The following VPS33A variants were observed in gnomAD, a reference collection of about 807,000 sequenced individuals.
The protein encoded by VPS33A is vacuolar protein sorting-associated protein 33A.
A neutral mutation model predicts 71.8 loss-of-function variants in VPS33A; 32 were observed. The ratio of observed to expected loss-of-function variants is 0.45; its 90% CI spans 0.34 to 0.60. The LOEUF is 0.60. Ranked by LOEUF, VPS33A falls within the 20% of genes least tolerant of loss-of-function variation. The pLI, the probability that VPS33A is intolerant of heterozygous loss-of-function variation, is 0.02. For synonymous variants in VPS33A, 311 were observed against 292.7 expected (o/e 1.06, Z -0.64); for missense variants, 625 against 748.5 (o/e 0.84, Z 1.92).
At chr12:122,246,500 T>C (rs1198628516) in intron 6 of VPS33A, among the ~76,000 whole-genome samples, 1 of 151,732 alleles carries the variant, frequency 6.6e-6, no homozygotes, top group Non-Finnish European at 1.5e-5. Flanking sequence ...GGTTTCACCA[T>C]GTTGGCCAGG....
rs891157716 is a variant in VPS33A, at chr12:122,231,401, G to T, written c.*845C>A. The stretch of plus-strand genomic sequence containing the variant: ...AGCAAACTTGCCTTAGTGATCAGTT[G>T]CGACAGTGACTGATGACCCTAAATA... On this transcript the variant is annotated 3_prime_UTR_variant, in exon 13 of 13. Coordinates refer to ENST00000267199, the MANE Select transcript of VPS33A (RefSeq NM_022916.6). The T allele has an allele frequency of 6.6e-6, 1 of 152,188 alleles. No individual in the cohort carries two copies. Among genetic ancestry groups the T allele is most frequent in the African/African-American group, 2.4e-5 (1 of 41,436 alleles). 9.4% of individuals were successfully genotyped at this position (152,188 alleles called of 1,614,324 possible). A position where few individuals can be genotyped will look rare whatever the true frequency, so the allele number is the denominator to read the frequency against.
In VPS33A at chr12:122,235,814, C is replaced by CT. The variant is rs1417701529; in HGVS notation, c.1411_1412insA (p.Arg471GlnfsTer6). On this transcript the variant is annotated frameshift_variant, in exon 11 of 13. Coordinates refer to ENST00000267199, the MANE Select transcript of VPS33A (RefSeq NM_022916.6). LOFTEE classifies it high-confidence loss of function. The stretch of plus-strand genomic sequence containing the variant: ...CTCATTAACATCATCCATCCAGAGG[C>CT]GTAATGTTTTCCGTATAGTTGGGTA... 1 of 1,613,224 alleles carries CT rather than the reference C, an allele frequency of 6.2e-7. No homozygotes were observed. Among genetic ancestry groups the CT allele is most frequent in the East Asian group, 2.2e-5 (1 of 44,826 alleles).
intron 4 of VPS33A, among the ~76,000 whole-genome samples, chr12:122,259,179 A>ATGTG (rs1435838868): frequency 1.2e-4 from 15 of 126,618 alleles, no homozygotes; most frequent in African/African-American, 4.6e-4. Context: ...GTGTGTGTGT[A>ATGTG]TGTATGTGTG....
At chr12:122,263,760 A>T (rs1955030861) in intron 2 of VPS33A, 61 bp from the exon 3 acceptor site, 1 of 1,495,752 alleles carries the variant, frequency 6.7e-7, no homozygotes, top group African/African-American at 1.4e-5. Context: ...TAATTTTCAG[A>T]CTCAGAAATC....
chr12:122,255,005 G>A (rs1334227354), intron 4 of VPS33A, among the ~76,000 whole-genome samples: 2 of 150,892 alleles, frequency 1.3e-5, no homozygotes, highest in African/African-American at 4.9e-5. Context: ...GAGACGAGAT[G>A]GCACCAACGC....
At chr12:122,262,860 G>C (rs998722074) in intron 3 of VPS33A, among the ~76,000 whole-genome samples, 1 of 151,860 alleles carries the variant, frequency 6.6e-6, no homozygotes. Context: ...CATAGCAGGC[G>C]CATGTATTTA....
chr12:122,254,730 CA>C, intron 4 of VPS33A, among the ~76,000 whole-genome samples: 1 of 152,054 alleles, frequency 6.6e-6, no homozygotes, highest in South Asian at 2.1e-4. Flanking sequence ...GGTGAATATA[CA>C]AAGCCAAAGG....
chr12:122,241,651 G>A (rs990265113), intron 8 of VPS33A, among the ~76,000 whole-genome samples: 8 of 151,742 alleles, frequency 5.3e-5, no homozygotes, highest in African/African-American at 1.9e-4. Context: ...GGAGTGCAGT[G>A]GCGTGATTTC....
chr12:122,242,561 T>C, intron 7 of VPS33A, 53 bp from the exon 8 acceptor site: 1 of 1,548,676 alleles, frequency 6.5e-7, no homozygotes, highest in East Asian at 2.4e-5. Context: ...TTTATTTATT[T>C]TATTTTTTTG....
intron 4 of VPS33A, among the ~76,000 whole-genome samples, chr12:122,258,986 C>CAAA (rs749562489): frequency 7.5e-5 from 4 of 53,198 alleles, no homozygotes; most frequent in African/African-American, 5.2e-5. Flanking sequence ...CAATCCATCT[C>CAAA]AAAAAAAAAA....
At chr12:122,252,225 C>T (rs1436002980) in intron 4 of VPS33A, among the ~76,000 whole-genome samples, 1 of 152,102 alleles carries the variant, frequency 6.6e-6, no homozygotes, top group Non-Finnish European at 1.5e-5. Flanking sequence ...CCGCCACACT[C>T]CCCTCTGGGC....
intron 9 of VPS33A, among the ~76,000 whole-genome samples, chr12:122,239,493 T>TG (rs1954680296): frequency 6.6e-6 from 1 of 152,114 alleles, no homozygotes; most frequent in African/African-American, 2.4e-5. Flanking sequence ...CCCAACAGTT[T>TG]GGGAGGCCAA....
intron 2 of VPS33A, 98 bp downstream of exon 2, chr12:122,264,036 T>C: frequency 1.8e-6 from 2 of 1,130,102 alleles, no homozygotes; most frequent in Non-Finnish European, 1.2e-6. Flanking sequence ...CCAAACAGCT[T>C]TGCAAACCAA....
chr12:122,266,445 A>G lies in VPS33A; in HGVS notation c.-37T>C. 4 of 1,591,234 alleles carry G rather than the reference A, an allele frequency of 2.5e-6. No homozygotes were observed. Among genetic ancestry groups the G allele is most frequent in the East Asian group, 2.3e-5 (1 of 43,898 alleles). On this transcript the variant is annotated 5_prime_UTR_variant, in exon 1 of 13. Coordinates refer to ENST00000267199, the MANE Select transcript of VPS33A (RefSeq NM_022916.6). Reference sequence around the variant, plus strand: ...ACCCCCTGCCCCACAACGCCAACCGAGTCCGCCGGTTCCTACGGGAGGACC... The same window carrying G: ...ACCCCCTGCCCCACAACGCCAACCGGGTCCGCCGGTTCCTACGGGAGGACC...
rs1194850724 is a variant in VPS33A at position 122,239,463 on chromosome 12, C to T, written c.1164+415G>A. 7.2e-5 allele frequency among the ~76,000 whole-genome samples: 11 copies of T among 152,252 alleles called. No individual in the cohort carries two copies. In the East Asian group the frequency reaches 2.1e-3, roughly 29 times the overall value. Reference sequence around the variant, plus strand: ...TTAAAAATATTTAAGTGGCCGGGCGCAGTGACTCACGCCTGTAATCCCAAC... The same window carrying T: ...TTAAAAATATTTAAGTGGCCGGGCGTAGTGACTCACGCCTGTAATCCCAAC... On this transcript the variant is annotated intron_variant, in intron 9 of 12. Transcript: ENST00000267199.
chr12:122,259,090 A>G (rs1346099432), intron 4 of VPS33A, among the ~76,000 whole-genome samples: 1 of 151,786 alleles, frequency 6.6e-6, no homozygotes, highest in Admixed American at 6.6e-5. Context: ...GTACAGCTTC[A>G]GTGCAAAAGA....
Position 122,261,427 on chromosome 12 carries a change from G to T in VPS33A, c.317C>A (p.Thr106Lys). 6.2e-7 allele frequency: 1 copy of T among 1,613,810 alleles called. No individual in the cohort carries two copies. Among genetic ancestry groups the T allele is most frequent in the Non-Finnish European group, 8.5e-7 (1 of 1,179,924 alleles). ...CACAAACAGAATATGAAAATCTCTC[G>T]TTGGGCCTCGTCTATCTTCACTGCA... ...NVLSEDRRGP[T>K]RDFHILFVPR... is the part of the protein sequence containing the mutation. Residue 106 changes from threonine (T) to lysine (K), a missense_variant, in exon 4 of 13, where the codon ACG (threonine) becomes AAG (lysine). Physicochemically the swap from Thr to Lys is moderately conservative, Grantham distance 78. Coordinates refer to ENST00000267199, the MANE Select transcript of VPS33A (RefSeq NM_022916.6).
intron 4 of VPS33A, among the ~76,000 whole-genome samples, chr12:122,259,187 G>GTGTGTGTGTGTA (rs776992323): frequency 3.5e-5 from 5 of 144,742 alleles, no homozygotes; most frequent in African/African-American, 1.3e-4. Flanking sequence ...GTATGTATGT[G>GTGTGTGTGTGTA]TGTATGTATG....
rs966441427 is a variant in VPS33A, at chr12:122,237,045, C to T, written c.1303-1122G>A. Among the ~76,000 whole-genome samples the T allele has an allele frequency of 3.3e-5, 5 of 152,090 alleles. No homozygotes were observed. In the East Asian group the frequency reaches 9.6e-4, roughly 29 times the overall value. ...TTGACTCTTACACAAGGATACATAA[C>T]TTAAAAAAAGACAAAAACAAAAAAT... On this transcript the variant is annotated intron_variant, in intron 10 of 12. Transcript: ENST00000267199.
Sources: gnomAD v4.1 joint callset for allele counts (sites outside exome capture counted in the v4.1 genomes callset) on GRCh38, gnomAD v4.1.1 for gene constraint, MANE v1.5 for transcripts, NCBI Gene and HGNC (gene_info 2026-07-23, HGNC 2026-07-21) for gene names.